Variants in ERI1 observed in about 807,000 individuals in gnomAD.
The protein encoded by ERI1 is exoribonuclease 1.
A neutral mutation model predicts 39.7 loss-of-function variants in ERI1; 39 were observed. The ratio of observed to expected loss-of-function variants is 0.98; its 90% CI spans 0.76 to 1.28. The LOEUF (loss-of-function observed/expected upper bound fraction) is 1.28. Ranked by LOEUF, ERI1 falls within the 50% of genes most tolerant of loss-of-function variation. The probability of loss-of-function intolerance (pLI) is 0.00; values close to 1 mark genes in which losing one functional copy is unlikely to be tolerated. For synonymous variants in ERI1, 204 were observed against 149.6 expected (o/e 1.36, Z -2.65); for missense variants, 581 against 416.9 (o/e 1.39, Z -3.43).
intron 3 of ERI1, among the ~76,000 whole-genome samples, chr8:9,078,086 T>C (rs962757810): frequency 1.3e-5 from 2 of 152,070 alleles, no homozygotes; most frequent in African/African-American, 4.8e-5. Flanking sequence ...ACCTCCTGGG[T>C]TCAAGTGATT....
At chr8:9,075,615 G>C (rs549722441) in intron 3 of ERI1, among the ~76,000 whole-genome samples, 1 of 151,892 alleles carries the variant, frequency 6.6e-6, no homozygotes, top group East Asian at 1.9e-4. Flanking sequence ...CTTCTAAAGA[G>C]ACTTACAGGG....
chr8:9,027,835 C>G (rs867311629), intron 6 of ERI1, among the ~76,000 whole-genome samples: 1 of 152,160 alleles, frequency 6.6e-6, no homozygotes, highest in African/African-American at 2.4e-5. Flanking sequence ...CACTCTCTTT[C>G]AATTACTGCA....
rs960268574 is a variant in ERI1 at position 9,012,591 on chromosome 8, A to T, written c.498+839A>T. ...TCTTATCCAAAGCAGATTGAAGGTC[A>T]GTAAATTAGAAGGAAAAATGGCAGC... On this transcript the variant is annotated intron_variant, in intron 3 of 6. Transcript: ENST00000250263. 2.6e-5 allele frequency among the ~76,000 whole-genome samples: 4 copies of T among 152,348 alleles called. No homozygotes were observed. The East Asian group carries it at 7.7e-4, about 29-fold the overall frequency.
intron 6 of ERI1, among the ~76,000 whole-genome samples, chr8:9,021,628 C>A (rs1301829026): frequency 6.6e-6 from 1 of 152,046 alleles, no homozygotes; most frequent in Admixed American, 6.6e-5. Context: ...CTGGAGTTAA[C>A]CCTAATTCTT....
chr8:9,058,871 C>CT (rs1404969513), intron 3 of ERI1, among the ~76,000 whole-genome samples: 1 of 122,232 alleles, frequency 8.2e-6, no homozygotes, highest in African/African-American at 2.7e-5. Context: ...ATAAATAAAT[C>CT]TTTTATCTTT....
chr8:9,017,863 C>T lies in ERI1; in HGVS notation c.583-434C>T, dbSNP rs140249686. Among the ~76,000 whole-genome samples the T allele has an allele frequency of 3.0e-3, 457 of 152,218 alleles. 2 individuals carry two copies. Among genetic ancestry groups the T allele is most frequent in the Non-Finnish European group, 4.9e-3 (333 of 68,016 alleles). ...TTAAGTATGAGAGTGATAGGGCGGA[C>T]CCGATTTACGTTTTAGGAAGATCAG... On this transcript the variant is annotated intron_variant, in intron 4 of 6. Coordinates refer to ENST00000250263, the MANE Select transcript of ERI1 (RefSeq NM_153332.4).
intron 1 of ERI1, among the ~76,000 whole-genome samples, 162 bp downstream of exon 1, chr8:9,003,333 G>A (rs1371946494): frequency 4.6e-5 from 7 of 152,236 alleles, no homozygotes; most frequent in Non-Finnish European, 8.8e-5. Flanking sequence ...ATCCTCGGGT[G>A]GGTGTCTTGG....
intron 3 of ERI1, among the ~76,000 whole-genome samples, chr8:9,013,000 T>C (rs1018591487): frequency 6.6e-6 from 1 of 150,418 alleles, no homozygotes; most frequent in African/African-American, 2.5e-5. Flanking sequence ...CCCTAACTCC[T>C]GGCAAAATTG....
intron 6 of ERI1, among the ~76,000 whole-genome samples, chr8:9,022,756 G>A (rs1248741303): frequency 6.6e-6 from 1 of 152,074 alleles, no homozygotes; most frequent in African/African-American, 2.4e-5. Context: ...TTTAAAAATT[G>A]TGTTATGGAA....
At chr8:9,092,659 G>T (rs1235498800) in intron 3 of ERI1, among the ~76,000 whole-genome samples, 1 of 152,200 alleles carries the variant, frequency 6.6e-6, no homozygotes, top group East Asian at 1.9e-4. Flanking sequence ...AGGAACCAGG[G>T]CTGTGAGCAG....
At chr8:9,004,398 C>T (rs1815732247) in intron 1 of ERI1, 3 of 623,796 alleles carry the variant, frequency 4.8e-6, no homozygotes, top group Admixed American at 5.1e-5. Flanking sequence ...TTTACAGCTA[C>T]TTAAGGCCTA....
intron 1 of ERI1, chr8:9,004,156 A>G (rs76930203): frequency 0.011 from 13,686 of 1,289,060 alleles, 428 homozygotes; most frequent in South Asian, 0.077. Context: ...CCCTGTGTGC[A>G]CTTCCTTTGG....
chr8:9,017,326 C>A (rs1344709348), intron 4 of ERI1, among the ~76,000 whole-genome samples: 2 of 152,164 alleles, frequency 1.3e-5, no homozygotes, highest in African/African-American at 4.8e-5. Context: ...GCATGAGCCA[C>A]CACACCTAGC....
Position 9,076,590 on chromosome 8 carries a change from CA to C in ERI1, n.300-39756del, listed in dbSNP as rs548602226. 3.3e-3 allele frequency among the ~76,000 whole-genome samples: 508 copies of C among 152,314 alleles called. 2 individuals are homozygous for C. The highest frequency in any genetic ancestry group is 2.9e-3 in the Non-Finnish European group (197 of 68,030). On this transcript the variant is annotated intron_variant and non_coding_transcript_variant, in intron 3 of 3. Transcript: ENST00000518663. ...GGGGATTAAGTTCTTATTGGCCCAT[CA>C]AGAGTTTGTTTCTTTAAATTATCCA...
chr8:9,021,809 C>T (rs1817937237), intron 6 of ERI1, among the ~76,000 whole-genome samples: 1 of 146,166 alleles, frequency 6.8e-6, no homozygotes. Context: ...GCTTGAGATC[C>T]ATCCACGTCT....
chr8:9,096,177 G>C (rs187233963), intron 3 of ERI1, among the ~76,000 whole-genome samples: 3 of 152,284 alleles, frequency 2.0e-5, no homozygotes, highest in Admixed American at 6.5e-5. Context: ...CATTCTATTT[G>C]GCTTTAGCCT....
intron 3 of ERI1, among the ~76,000 whole-genome samples, chr8:9,050,163 A>T (rs568001989): frequency 1.8e-4 from 9 of 49,022 alleles, no homozygotes; most frequent in African/African-American, 6.9e-4. Context: ...GGTACATTCT[A>T]AGTGGTCAAA....
At chr8:9,096,112 T>A (rs1053811800) in intron 3 of ERI1, among the ~76,000 whole-genome samples, 1 of 152,204 alleles carries the variant, frequency 6.6e-6, no homozygotes, top group Admixed American at 6.5e-5. Context: ...TTTGGGCCAT[T>A]CATGAGGTTC....
At chr8:9,073,151 C>T (rs1419262316) in intron 3 of ERI1, among the ~76,000 whole-genome samples, 2 of 152,224 alleles carry the variant, frequency 1.3e-5, no homozygotes, top group Middle Eastern at 3.2e-3. Flanking sequence ...CAGCCATAAA[C>T]TTTATCACCT....
Sources: gnomAD v4.1 joint callset for allele counts (sites outside exome capture counted in the v4.1 genomes callset) on GRCh38, gnomAD v4.1.1 for gene constraint, MANE v1.5 for transcripts, NCBI Gene and HGNC (gene_info 2026-07-23, HGNC 2026-07-21) for gene names.